The following UNC5D variants were observed in gnomAD, a reference collection of about 807,000 sequenced individuals.
UNC5D encodes unc-5 netrin receptor D, also known as netrin receptor UNC5D.
A neutral mutation model predicts 105.4 loss-of-function variants in UNC5D; 39 were observed. The observed-to-expected ratio is 0.37, with a 90% CI of 0.29 to 0.48. The LOEUF is 0.48. UNC5D is among the 20% of genes least tolerant of loss of function. UNC5D has a pLI of 0.98. For missense variants in UNC5D, 991 were observed against 1,202.4 expected (o/e 0.82, Z 2.60); for synonymous variants, 452 against 450.4 (o/e 1.00, Z -0.04).
chr8:35,579,546 C>A (rs1818332948), intron 3 of UNC5D, among the ~76,000 whole-genome samples: 1 of 151,922 alleles, frequency 6.6e-6, no homozygotes. Context: ...GAGCTAAATC[C>A]TTAGGAAGAA....
intron 1 of UNC5D, among the ~76,000 whole-genome samples, chr8:35,411,948 T>C (rs1002035816): frequency 6.6e-6 from 1 of 152,104 alleles, no homozygotes; most frequent in Non-Finnish European, 1.5e-5. Context: ...TGTCACCTCA[T>C]GTCCTCGCCT....
chr8:35,545,062 C>T (rs1815549262), intron 1 of UNC5D, among the ~76,000 whole-genome samples: 1 of 152,142 alleles, frequency 6.6e-6, no homozygotes, highest in Non-Finnish European at 1.5e-5. Flanking sequence ...TGGAAGGAGG[C>T]AGATGGCTGG....
chr8:35,695,708 A>G (rs1563677924), intron 7 of UNC5D, among the ~76,000 whole-genome samples: 1 of 142,462 alleles, frequency 7.0e-6, no homozygotes, highest in Admixed American at 6.9e-5. Flanking sequence ...AAGTATTTTT[A>G]TATTATTTAT....
intron 1 of UNC5D, among the ~76,000 whole-genome samples, chr8:35,268,010 A>T (rs1805010069): frequency 6.6e-6 from 1 of 152,218 alleles, no homozygotes; most frequent in Admixed American, 6.5e-5. Flanking sequence ...ATAAACTTAT[A>T]GAATGTTGAG....
At chr8:35,591,140 G>A (rs1464219080) in intron 3 of UNC5D, among the ~76,000 whole-genome samples, 2 of 151,998 alleles carry the variant, frequency 1.3e-5, no homozygotes, top group Non-Finnish European at 2.9e-5. Context: ...TTCAGGAAGA[G>A]TATGTGGCTG....
chr8:35,781,447 G>A (rs2131774751), intron 16 of UNC5D, among the ~76,000 whole-genome samples: 1 of 152,234 alleles, frequency 6.6e-6, no homozygotes, highest in Non-Finnish European at 1.5e-5. Context: ...GTGTGTGTGT[G>A]CTAGGTTTTG....
At chr8:35,369,097 C>G (rs557151716) in intron 1 of UNC5D, among the ~76,000 whole-genome samples, 1 of 152,102 alleles carries the variant, frequency 6.6e-6, no homozygotes, top group African/African-American at 2.4e-5. Context: ...GATAATATAT[C>G]TTTATCTTCA....
intron 1 of UNC5D, among the ~76,000 whole-genome samples, chr8:35,460,046 G>A (rs1387408889): frequency 6.6e-6 from 1 of 152,150 alleles, no homozygotes; most frequent in South Asian, 2.1e-4. Flanking sequence ...CTGAGCAAAA[G>A]AGCCAGTCTC....
intron 1 of UNC5D, among the ~76,000 whole-genome samples, chr8:35,546,289 G>A (rs921037027): frequency 6.6e-6 from 1 of 152,134 alleles, no homozygotes; most frequent in Non-Finnish European, 1.5e-5. Flanking sequence ...TCAGATGCAG[G>A]CTGAACGTGC....
chr8:35,274,527 G>C lies in UNC5D; in HGVS notation c.103+38640G>C, dbSNP rs1037946873. On this transcript the variant is annotated intron_variant, in intron 1 of 16. Transcript: ENST00000404895. ...TGCACATGTGTCCAGCCTAGAAGAC[G>C]ACGGCCTGTGGATTGATGACAAGCG... 7.2e-5 allele frequency among the ~76,000 whole-genome samples: 11 copies of C among 152,256 alleles called. 2 individuals are homozygous for C. The South Asian group carries it at 2.1e-3, about 29-fold the overall frequency.
In UNC5D at chr8:35,247,626, A is replaced by G. The variant is rs1487279120; in HGVS notation, c.103+11739A>G. 8.8e-5 allele frequency among the ~76,000 whole-genome samples: 7 copies of G among 79,852 alleles called. No individual in the cohort carries two copies. In the Admixed American group the frequency reaches 1.4e-3, roughly 15 times the overall value. 52.4% of individuals were successfully genotyped at this position (79,852 alleles called of 152,430 possible). On this transcript the variant is annotated intron_variant, in intron 1 of 16. Transcript: ENST00000404895. ...TATAAATATATATTATATATAAAAT[A>G]TATATAATATATAAATATATATTAT...
At chr8:35,485,321 G>A (rs968054195) in intron 1 of UNC5D, among the ~76,000 whole-genome samples, 9 of 152,168 alleles carry the variant, frequency 5.9e-5, no homozygotes, top group African/African-American at 2.2e-4. Context: ...AATACTGTCA[G>A]TATAACATCT....
In UNC5D at chr8:35,281,107, G is replaced by A. The variant is rs114301967; in HGVS notation, c.103+45220G>A. On this transcript the variant is annotated intron_variant, in intron 1 of 16. Transcript: ENST00000404895. The stretch of plus-strand genomic sequence containing the variant: ...AGGCCTTCGCTGTGCCTCAGATCTC[G>A]GTTCTGTGATCACATTTCTGTGTAT... Among the ~76,000 whole-genome samples the A allele has an allele frequency of 3.4e-3, 524 of 152,132 alleles. 6 individuals are homozygous for A. Among genetic ancestry groups the A allele is most frequent in the African/African-American group, 0.012 (509 of 41,520 alleles).
intron 6 of UNC5D, among the ~76,000 whole-genome samples, chr8:35,685,382 G>C (rs943736308): frequency 6.6e-6 from 1 of 152,078 alleles, no homozygotes; most frequent in Non-Finnish European, 1.5e-5. Context: ...ACGATAAATA[G>C]ATGAGATGGA....
intron 7 of UNC5D, among the ~76,000 whole-genome samples, chr8:35,697,335 G>GTTT (rs34967495): frequency 7.2e-6 from 1 of 139,318 alleles, no homozygotes; most frequent in African/African-American, 2.6e-5. Context: ...TTCAGATTAT[G>GTTT]TTTTTTTTTT....
Position 35,790,472 on chromosome 8 carries a change from AG to A in UNC5D, c.2772del (p.Ile925LeufsTer81). 4 of 1,613,926 alleles carry A rather than the reference AG, an allele frequency of 2.5e-6. No individual in the cohort carries two copies. Among genetic ancestry groups the A allele is most frequent in the Non-Finnish European group, 3.4e-6 (4 of 1,179,874 alleles). ...GACTCCCTGGCCTGTGCCCTTGAAG[AG>A]ATTGGGAGGACACACACGAAACTCT... is the stretch of plus-strand genomic sequence containing the variant. ...DLDSLACALE[E>X]IGRTHTKLSN... On this transcript the variant is annotated frameshift_variant, in exon 17 of 17. Transcript: ENST00000404895. LOFTEE classifies it high-confidence loss of function.
chr8:35,374,000 A>G (rs72633598), intron 1 of UNC5D, among the ~76,000 whole-genome samples: 4,056 of 152,214 alleles, frequency 0.027, 63 homozygotes, highest in Middle Eastern at 0.051. Flanking sequence ...GTAGATTTAA[A>G]AGGCTATTTT....
intron 1 of UNC5D, among the ~76,000 whole-genome samples, chr8:35,484,361 A>G (rs1810692339): frequency 6.6e-6 from 1 of 152,086 alleles, no homozygotes; most frequent in African/African-American, 2.4e-5. Flanking sequence ...ATCTTTAGTT[A>G]TTCTCATTTT....
At chr8:35,455,845 A>G (rs748447654) in intron 1 of UNC5D, among the ~76,000 whole-genome samples, 2 of 152,074 alleles carry the variant, frequency 1.3e-5, no homozygotes, top group African/African-American at 4.8e-5. Flanking sequence ...TCACTACCAC[A>G]AGAACAATAT....
Sources: gnomAD v4.1 joint callset for allele counts (sites outside exome capture counted in the v4.1 genomes callset) on GRCh38, gnomAD v4.1.1 for gene constraint, MANE v1.5 for transcripts, NCBI Gene and HGNC (gene_info 2026-07-23, HGNC 2026-07-21) for gene names.